C10orf90: variants seen among roughly 807,000 people sequenced by gnomAD.
The protein encoded by C10orf90 is chromosome 10 open reading frame 90.
A neutral mutation model predicts 62.5 loss-of-function variants in C10orf90; 56 were observed. That is an observed-to-expected ratio of 0.90 (90% CI 0.72 to 1.12). The LOEUF (loss-of-function observed/expected upper bound fraction) is 1.12. Ranked by LOEUF, C10orf90 falls within the 50% of genes most tolerant of loss-of-function variation. The pLI, the probability that C10orf90 is intolerant of heterozygous loss-of-function variation, is 0.00. For synonymous variants in C10orf90, 386 were observed against 340.4 expected (o/e 1.13, Z -1.47); for missense variants, 970 against 880.4 (o/e 1.10, Z -1.29).
chr10:126,502,865 A>C (rs201618836), intron 4 of C10orf90: 18 of 507,570 alleles, frequency 3.5e-5, no homozygotes, highest in Admixed American at 1.3e-4. Context: ...TGGTTTAATC[A>C]ATCTGAAAGC....
chr10:126,479,768 G>A (rs1242843185), intron 4 of C10orf90, among the ~76,000 whole-genome samples: 1 of 152,162 alleles, frequency 6.6e-6, no homozygotes, highest in Non-Finnish European at 1.5e-5. Context: ...ATGCAGAGAA[G>A]GAAAACATAT....
chr10:126,461,359 C>G (rs1164328727), intron 6 of C10orf90, 42 bp downstream of exon 6: 2 of 1,604,202 alleles, frequency 1.2e-6, no homozygotes, highest in African/African-American at 2.7e-5. Context: ...GGAAATCTCT[C>G]CCTTTGGCAG....
At chr10:126,592,867 A>G in intron 2 of C10orf90, among the ~76,000 whole-genome samples, 1 of 152,216 alleles carries the variant, frequency 6.6e-6, no homozygotes, top group East Asian at 1.9e-4. Context: ...CCCCATTAAA[A>G]GTAGGCAAAG....
rs1473671022 is a variant in C10orf90 at position 126,464,853 on chromosome 10, G to A, written c.1668C>T (p.Asp556=). 1 of 1,614,188 alleles carries A rather than the reference G, an allele frequency of 6.2e-7. No homozygotes were observed. The highest frequency in any genetic ancestry group is 1.1e-5 in the South Asian group (1 of 91,074). The change falls in exon 5 of 10, where the codon GAC becomes GAT. Residue 556 remains aspartate (D), a synonymous_variant. Transcript: ENST00000488181. ...LPIGDSSPSD[D]CLSRDLSEPT... is the part of the protein sequence containing the mutation. The stretch of plus-strand genomic sequence containing the variant: ...GCTCAGAAAGGTCTCTAGACAGACA[G>A]TCATCGCTTGGAGAGCTATCCCCAA...
At position 126,455,822 on chromosome 10, in the gene C10orf90, T is replaced by A. The variant is rs181956004; in HGVS notation, c.2188+3218A>T. Among the ~76,000 whole-genome samples, 268 of 152,294 alleles carry A rather than the reference T, an allele frequency of 1.8e-3. 1 individual carries two copies. Among genetic ancestry groups the A allele is most frequent in the African/African-American group, 6.0e-3 (250 of 41,580 alleles). Reference sequence around the variant, plus strand: ...ATTAACACTCACCCACATGCAGCACTCTTCCCCTGGTCTCAAAGGTGCTCA... The same window carrying A: ...ATTAACACTCACCCACATGCAGCACACTTCCCCTGGTCTCAAAGGTGCTCA... On this transcript the variant is annotated intron_variant, in intron 7 of 9. Coordinates refer to ENST00000488181, the MANE Select transcript of C10orf90 (RefSeq NM_001350921.2).
chr10:126,570,312 T>C (rs983983498), intron 2 of C10orf90, among the ~76,000 whole-genome samples: 3 of 152,216 alleles, frequency 2.0e-5, no homozygotes, highest in Non-Finnish European at 4.4e-5. Flanking sequence ...CACAGTGGAC[T>C]TTACGCACTG....
chr10:126,443,351 A>C (rs973096813), intron 7 of C10orf90, among the ~76,000 whole-genome samples: 1 of 152,170 alleles, frequency 6.6e-6, no homozygotes, highest in Non-Finnish European at 1.5e-5. Context: ...CTGATACCAC[A>C]GAAATACAAA....
At chr10:126,470,231 T>G in intron 4 of C10orf90, 1 of 372,564 alleles carries the variant, frequency 2.7e-6, no homozygotes, top group South Asian at 2.0e-5. Flanking sequence ...TTCTTCTGCA[T>G]GATGCATGCT....
intron 3 of C10orf90, among the ~76,000 whole-genome samples, chr10:126,507,043 T>C (rs1862779345): frequency 6.6e-6 from 1 of 152,042 alleles, no homozygotes; most frequent in Non-Finnish European, 1.5e-5. Context: ...TCCATCACAT[T>C]ATATGTGGGT....
intron 2 of C10orf90, among the ~76,000 whole-genome samples, chr10:126,625,881 G>A (rs1030996722): frequency 7.2e-5 from 11 of 152,078 alleles, no homozygotes; most frequent in African/African-American, 2.7e-4. Flanking sequence ...TTGGGAAGCC[G>A]AGGTGGCAGG....
chr10:126,577,115 T>C (rs1292938366), intron 2 of C10orf90, among the ~76,000 whole-genome samples: 1 of 151,876 alleles, frequency 6.6e-6, no homozygotes, highest in African/African-American at 2.4e-5. Context: ...CAGTAATATG[T>C]TATATCATTT....
intron 2 of C10orf90, among the ~76,000 whole-genome samples, chr10:126,516,135 C>T (rs1289388861): frequency 2.0e-5 from 3 of 152,214 alleles, no homozygotes; most frequent in Non-Finnish European, 4.4e-5. Context: ...TGCTTGGCCC[C>T]AGGCCGACCT....
intron 2 of C10orf90, among the ~76,000 whole-genome samples, chr10:126,597,191 C>A (rs1845104497): frequency 6.6e-6 from 1 of 152,196 alleles, no homozygotes; most frequent in Non-Finnish European, 1.5e-5. Flanking sequence ...CCAGCAAACC[C>A]ACTCCTACAG....
Position 126,670,602 on chromosome 10 carries a change from T to G in C10orf90, c.-122A>C, listed in dbSNP as rs1249704415. The G allele has an allele frequency of 2.7e-6, 1 of 369,002 alleles. No individual in the cohort carries two copies. The highest frequency in any genetic ancestry group is 5.3e-6 in the Non-Finnish European group (1 of 187,190). The allele number at this position is 369,002 out of a possible 1,614,324, so 22.9% of individuals were successfully genotyped here. A position where few individuals can be genotyped will look rare whatever the true frequency, so the allele number is the denominator to read the frequency against. On this transcript the variant is annotated 5_prime_UTR_variant, in exon 1 of 10. Coordinates refer to ENST00000488181, the MANE Select transcript of C10orf90 (RefSeq NM_001350921.2). Reference sequence around the variant, plus strand: ...GTGCCCCAGCTCGGACCTGTCCCAGTGTTTTCCAACTCCAGAGCTAGTTGT... The same window carrying G: ...GTGCCCCAGCTCGGACCTGTCCCAGGGTTTTCCAACTCCAGAGCTAGTTGT...
chr10:126,539,618 A>G (rs1473624637), intron 2 of C10orf90, among the ~76,000 whole-genome samples: 1 of 152,208 alleles, frequency 6.6e-6, no homozygotes, highest in Non-Finnish European at 1.5e-5. Context: ...TCTAAAACCT[A>G]GGGAAAAAAA....
At chr10:126,524,732 C>A (rs988236631) in intron 2 of C10orf90, 11 of 985,486 alleles carry the variant, frequency 1.1e-5, no homozygotes, top group Non-Finnish European at 1.3e-5. Context: ...GGAGTGCACG[C>A]ACCTGTATGG....
intron 2 of C10orf90, among the ~76,000 whole-genome samples, chr10:126,636,428 A>C (rs569322452): frequency 1.3e-5 from 2 of 152,334 alleles, no homozygotes; most frequent in African/African-American, 4.8e-5. Context: ...GTTCCAAAAA[A>C]AAGATGCTGT....
chr10:126,659,644 A>G (rs1008691570), intron 1 of C10orf90, among the ~76,000 whole-genome samples: 2 of 152,220 alleles, frequency 1.3e-5, no homozygotes, highest in African/African-American at 4.8e-5. Flanking sequence ...AAATTAAATA[A>G]TTCTGCTTTT....
At position 126,456,855 on chromosome 10, in the gene C10orf90, G is replaced by A. The variant is rs998205143; in HGVS notation, c.2188+2185C>T. 2.6e-5 allele frequency among the ~76,000 whole-genome samples: 4 copies of A among 152,198 alleles called. No homozygotes were observed. Among genetic ancestry groups the A allele is most frequent in the Non-Finnish European group, 5.9e-5 (4 of 68,034 alleles). On this transcript the variant is annotated intron_variant, in intron 7 of 9. Coordinates refer to ENST00000488181, the MANE Select transcript of C10orf90 (RefSeq NM_001350921.2). This position sits in a 1 kb window ranked among gnomAD's most constrained non-coding sequence, Gnocchi z 4.9. The stretch of plus-strand genomic sequence containing the variant: ...GCAGGAAGCCGCCAGGAGCAGGGAG[G>A]GAGGCTGGACACGGGATTGACCACT...
Sources: allele counts gnomAD v4.1 joint callset (sites outside exome capture counted in the v4.1 genomes callset), GRCh38; gene constraint gnomAD v4.1.1; non-coding constraint Gnocchi (gnomAD v3.1); transcripts MANE v1.5; gene names NCBI Gene and HGNC (gene_info 2026-07-23, HGNC 2026-07-21).